The following RSBN1L variants were observed in gnomAD, a reference collection of about 807,000 sequenced individuals.
RSBN1L encodes lysine-specific demethylase RSBN1L.
In RSBN1L, 30 loss-of-function variants were observed where a neutral mutation model predicts 67.7. The ratio of observed to expected loss-of-function variants is 0.44; its 90% confidence interval spans 0.33 to 0.60. RSBN1L has a LOEUF of 0.60. Ranked by LOEUF, RSBN1L falls within the 20% of genes least tolerant of loss-of-function variation. The pLI is 0.02. For missense variants in RSBN1L, 992 were observed against 1,031.7 expected, an observed-to-expected ratio of 0.96 and a Z score of 0.53; for synonymous variants, 433 against 387.0, an observed-to-expected ratio of 1.12 and a Z score of -1.39.
chr7:77,770,774 A>C (rs1274720050), intron 5 of RSBN1L, among the ~76,000 whole-genome samples: 1 of 152,198 alleles, frequency 6.6e-6, no homozygotes, highest in Non-Finnish European at 1.5e-5. Flanking sequence ...ATGTAGAGTA[A>C]TGTATCTAAT....
intron 2 of RSBN1L, among the ~76,000 whole-genome samples, chr7:77,747,833 A>G (rs1270682535): frequency 6.6e-6 from 1 of 151,892 alleles, no homozygotes; most frequent in East Asian, 1.9e-4. Flanking sequence ...TGGGTAATTT[A>G]TAAAGAAAAG....
chr7:77,775,636 G>A (rs1791903642), intron 6 of RSBN1L, among the ~76,000 whole-genome samples: 1 of 151,990 alleles, frequency 6.6e-6, no homozygotes, highest in Non-Finnish European at 1.5e-5. Flanking sequence ...TTGTTTTGGT[G>A]TTTTTCATTT....
At chr7:77,743,459 G>GTT (rs1562802787) in intron 2 of RSBN1L, among the ~76,000 whole-genome samples, 1 of 92,724 alleles carries the variant, frequency 1.1e-5, no homozygotes, top group Non-Finnish European at 2.0e-5. Flanking sequence ...AAATAAGTTG[G>GTT]TTTTGTTTTT....
intron 1 of RSBN1L, chr7:77,697,278 TC>T (rs1360361260): frequency 5.1e-6 from 2 of 394,278 alleles, no homozygotes; most frequent in African/African-American, 4.2e-5. Context: ...ACTCTTATTT[TC>T]TGTATCGTTT....
At chr7:77,751,290 C>CACCATGCCTG (rs1562805053) in intron 3 of RSBN1L, among the ~76,000 whole-genome samples, 1 of 151,898 alleles carries the variant, frequency 6.6e-6, no homozygotes, top group African/African-American at 2.4e-5. Flanking sequence ...CAGACATGCA[C>CACCATGCCTG]CACCATGCCT....
intron 1 of RSBN1L, among the ~76,000 whole-genome samples, chr7:77,718,920 C>T (rs752556640): frequency 5.3e-5 from 8 of 152,180 alleles, no homozygotes; most frequent in South Asian, 2.1e-4. Flanking sequence ...ACTTTACTCA[C>T]GTGCCTGTTG....
At chr7:77,705,385 G>C (rs1290426671) in intron 1 of RSBN1L, among the ~76,000 whole-genome samples, 2 of 152,034 alleles carry the variant, frequency 1.3e-5, no homozygotes, top group Admixed American at 1.3e-4. Context: ...TTTGGTGAGA[G>C]TGTTTCCTAG....
chr7:77,712,351 C>T (rs377215763), intron 1 of RSBN1L, among the ~76,000 whole-genome samples: 5 of 151,018 alleles, frequency 3.3e-5, no homozygotes, highest in African/African-American at 9.7e-5. Context: ...GGTGCAGTCT[C>T]GGCTCACTGC....
intron 2 of RSBN1L, among the ~76,000 whole-genome samples, chr7:77,737,388 C>T (rs1053140901): frequency 1.4e-4 from 22 of 152,100 alleles, no homozygotes; most frequent in Admixed American, 6.6e-4. Flanking sequence ...GGAAAGACCA[C>T]GACACTGCAT....
In RSBN1L at chr7:77,741,136, G is replaced by A. The variant is rs1047516885; in HGVS notation, c.703+4610G>A. ...CGAGTAGCTGGAACTACAGGCGTGC[G>A]CCACCACGCCTGGCTAATTTTTGTG... On this transcript the variant is annotated intron_variant, in intron 2 of 7. Transcript: ENST00000334955. Among the ~76,000 whole-genome samples, 15 of 151,490 alleles carry A rather than the reference G, an allele frequency of 9.9e-5. No individual in the cohort carries two copies. In the South Asian group the frequency reaches 1.7e-3, roughly 17 times the overall value.
intron 5 of RSBN1L, among the ~76,000 whole-genome samples, chr7:77,770,273 G>A: frequency 6.6e-6 from 1 of 152,152 alleles, no homozygotes; most frequent in Non-Finnish European, 1.5e-5. Context: ...TATTCAGGAG[G>A]CTGAGGCAGG....
intron 2 of RSBN1L, among the ~76,000 whole-genome samples, chr7:77,743,369 C>T (rs1048223823): frequency 8.6e-5 from 13 of 151,710 alleles, no homozygotes; most frequent in East Asian, 7.7e-4. Context: ...GAGGCCGAGA[C>T]GGGTGGATAA....
At chr7:77,765,703 C>A in intron 4 of RSBN1L, 71 bp downstream of exon 4, 1 of 1,101,222 alleles carries the variant, frequency 9.1e-7, no homozygotes, top group Non-Finnish European at 1.3e-6. Context: ...TATGAGTAAT[C>A]TAAATTGTGA....
At chr7:77,733,534 T>C (rs578250839) in intron 1 of RSBN1L, among the ~76,000 whole-genome samples, 2 of 152,342 alleles carry the variant, frequency 1.3e-5, no homozygotes, top group South Asian at 4.1e-4. Context: ...TATGTGCCCA[T>C]TGCAGAAACT....
At chr7:77,774,895 T>G (rs1791893276) in intron 6 of RSBN1L, among the ~76,000 whole-genome samples, 1 of 152,156 alleles carries the variant, frequency 6.6e-6, no homozygotes, top group Admixed American at 6.5e-5. Flanking sequence ...AGGGCCTCAC[T>G]CTGTTGCCCA....
At chr7:77,722,817 G>C (rs1425126765) in intron 1 of RSBN1L, among the ~76,000 whole-genome samples, 1 of 151,864 alleles carries the variant, frequency 6.6e-6, no homozygotes, top group Non-Finnish European at 1.5e-5. Flanking sequence ...TGATTTCATG[G>C]ACTGCGTTAT....
intron 1 of RSBN1L, among the ~76,000 whole-genome samples, chr7:77,705,409 G>A (rs772486376): frequency 2.0e-5 from 3 of 151,416 alleles, no homozygotes; most frequent in African/African-American, 7.3e-5. Context: ...CTCATATTAC[G>A]TTTGGATCAG....
Position 77,749,775 on chromosome 7 carries a change from A to G in RSBN1L, c.1055A>G (p.Glu352Gly). The change falls in exon 3 of 8, where the codon GAG (glutamate) becomes GGG (glycine). Residue 352 changes from glutamate (E) to glycine (G), a missense_variant. Transcript: ENST00000334955. Reference sequence around the variant, plus strand: ...GAATTTAAACAACTCATTCATATAGAGCACCAGCCTAATGGAGGTGCATCG... The same window carrying G: ...GAATTTAAACAACTCATTCATATAGGGCACCAGCCTAATGGAGGTGCATCG... Reference protein sequence around the residue: ...TLEFKQLIHIEHQPNGGASVI... With the variant: ...TLEFKQLIHIGHQPNGGASVI... 5 of 1,614,202 alleles carry G rather than the reference A, an allele frequency of 3.1e-6. No homozygotes were observed. The highest frequency in any genetic ancestry group is 4.2e-6 in the Non-Finnish European group (5 of 1,180,030).
intron 2 of RSBN1L, among the ~76,000 whole-genome samples, chr7:77,747,247 G>GCTGCAGAAATTTGTGTAAATAA (rs1432240787): frequency 2.0e-5 from 3 of 152,202 alleles, no homozygotes; most frequent in East Asian, 1.9e-4. Context: ...GTTCAAGCAG[G>GCTGCAGAAATTTGTGTAAATAA]CTGCAGAAAT....
Sources: allele counts gnomAD v4.1 joint callset (sites outside exome capture counted in the v4.1 genomes callset), GRCh38; gene constraint gnomAD v4.1.1; transcripts MANE v1.5; gene names NCBI Gene and HGNC (gene_info 2026-07-23, HGNC 2026-07-21).